Variants in TET1 observed in about 807,000 individuals in gnomAD.
TET1 encodes tet methylcytosine dioxygenase 1.
In TET1, 13 loss-of-function variants were observed where a neutral mutation model predicts 148.7. The ratio of observed to expected loss-of-function variants is 0.09; its 90% confidence interval spans 0.06 to 0.14. The LOEUF (loss-of-function observed/expected upper bound fraction) is 0.14, where lower values mean the gene tolerates loss of function less well. Ranked by LOEUF, TET1 falls within the 10% of genes least tolerant of loss-of-function variation. The pLI is 1.00. For synonymous variants in TET1, 907 were observed against 937.2 expected (o/e 0.97, Z 0.59); for missense variants, 2,182 against 2,553.8 (o/e 0.85, Z 3.14).
At chr10:68,659,030 C>G (rs1170519354) in intron 6 of TET1, among the ~76,000 whole-genome samples, 1 of 152,126 alleles carries the variant, frequency 6.6e-6, no homozygotes, top group African/African-American at 2.4e-5. Context: ...GAGTTCAAGA[C>G]CAGGCTGGCC....
chr10:68,577,471 A>G (rs1427788379), intron 2 of TET1, among the ~76,000 whole-genome samples: 1 of 150,868 alleles, frequency 6.6e-6, no homozygotes, highest in African/African-American at 2.4e-5. Context: ...CATAAGCAAC[A>G]TAGCAAGACC....
At position 68,569,251 on chromosome 10, in the gene TET1, C is replaced by G. The variant is rs12259081; in HGVS notation, c.-122-2966C>G. 3.6e-3 allele frequency among the ~76,000 whole-genome samples: 528 copies of G among 144,858 alleles called. 3 individuals carry two copies. The highest frequency in any genetic ancestry group is 0.013 in the African/African-American group (502 of 38,812). On this transcript the variant is annotated intron_variant, in intron 1 of 11. Transcript: ENST00000373644. ...GCAGTGGTGCAATCTCGGCTCACTG[C>G]AAGCTCTGCCTCCCGGGTTCACGCC...
intron 3 of TET1, among the ~76,000 whole-genome samples, chr10:68,603,323 AAGT>A (rs2054082054): frequency 1.3e-5 from 2 of 152,192 alleles, no homozygotes; most frequent in Admixed American, 1.3e-4. Context: ...ATCTATTAGA[AAGT>A]AGTTGGATAC....
Position 68,624,099 on chromosome 10 carries a change from C to CTTTTT in TET1, c.1969-20595_1969-20594insTTTTT, listed in dbSNP as rs773374173. ...TATTTTCTTTTTTCTTTCTTTCTTTCTTTTCTTTTTTTTTTGAAATGGAGT... is the reference window on the plus strand; with the variant it reads ...TATTTTCTTTTTTCTTTCTTTCTTTCTTTTTTTTTCTTTTTTTTTTGAAATGGAGT... On this transcript the variant is annotated intron_variant, in intron 3 of 11. Transcript: ENST00000373644. 3.8e-3 allele frequency among the ~76,000 whole-genome samples: 563 copies of CTTTTT among 148,082 alleles called. 7 individuals carry two copies. The highest frequency in any genetic ancestry group is 0.01 in the Middle Eastern group (3 of 294).
In TET1 at chr10:68,693,157, G is replaced by A. The variant is rs2055615246; in HGVS notation, c.*1343G>A. ...CTATGTTCTAGGTAACAGGAAAACA[G>A]GCATTAAGTTTATTTTAGTCTTCCC... On this transcript the variant is annotated 3_prime_UTR_variant, in exon 12 of 12. Coordinates refer to ENST00000373644, the MANE Select transcript of TET1 (RefSeq NM_030625.3). 1 of 230,890 alleles carries A rather than the reference G, an allele frequency of 4.3e-6. No individual in the cohort carries two copies. Among genetic ancestry groups the A allele is most frequent in the Non-Finnish European group, 8.5e-6 (1 of 117,328 alleles). 14.3% of individuals were successfully genotyped at this position (230,890 alleles called of 1,614,324 possible).
chr10:68,675,906 C>T (rs1057219353), intron 8 of TET1, among the ~76,000 whole-genome samples: 1 of 151,950 alleles, frequency 6.6e-6, no homozygotes, highest in Non-Finnish European at 1.5e-5. Flanking sequence ...CCTAGGCTGA[C>T]GTGCAATGGC....
chr10:68,613,964 T>C (rs183997854), intron 3 of TET1, among the ~76,000 whole-genome samples: 1 of 152,004 alleles, frequency 6.6e-6, no homozygotes, highest in Admixed American at 6.6e-5. Context: ...AATTGCTGTT[T>C]AAAGTATTTT....
chr10:68,660,586 C>A (rs1184317556), intron 6 of TET1, among the ~76,000 whole-genome samples: 6 of 151,944 alleles, frequency 3.9e-5, no homozygotes, highest in South Asian at 4.2e-4. Context: ...AGGTGATCTG[C>A]CTGCCTTGGC....
chr10:68,585,218 G>T (rs1027122395), intron 2 of TET1, among the ~76,000 whole-genome samples: 6 of 152,106 alleles, frequency 3.9e-5, no homozygotes, highest in African/African-American at 1.4e-4. Flanking sequence ...TGGTCAGGCT[G>T]GTCTTGAACT....
chr10:68,691,521 C>A lies in TET1; in HGVS notation c.6118C>A (p.His2040Asn). 6.2e-7 allele frequency: 1 copy of A among 1,614,048 alleles called. No homozygotes were observed. Among genetic ancestry groups the A allele is most frequent in the East Asian group, 2.2e-5 (1 of 44,874 alleles). Residue 2040 changes from histidine to asparagine, a missense_variant, in exon 12 of 12, where the codon CAT (histidine) becomes AAT (asparagine). By Grantham distance (68) the His-to-Asn change is moderately conservative. This residue lies in a region of TET1 where 20 missense variants were observed against 23.9 expected (regional missense o/e 0.84). Transcript: ENST00000373644. The surrounding 1 kb of genome is among the most constrained non-coding windows in gnomAD (Gnocchi z 4.4). ...TTPVEHPNRN[H>N]PTRLSLVFYQ... ...TCCTGTTGAGCACCCCAACCGTAAT[C>A]ATCCAACCCGCCTCTCCCTTGTCTT...
At chr10:68,671,477 C>A (rs1027508) in intron 7 of TET1, among the ~76,000 whole-genome samples, 1 of 152,128 alleles carries the variant, frequency 6.6e-6, no homozygotes, top group Non-Finnish European at 1.5e-5. Flanking sequence ...GATTACGTGT[C>A]TTTGGTATTG....
chr10:68,570,113 CT>C lies in TET1; in HGVS notation c.-122-2095del, dbSNP rs1047022950. ...ACCCAAAAGTTTTTCTTTTTTTTTT[CT>C]TTTTTTTTGAGATGGAGTCTTGCTC... On this transcript the variant is annotated intron_variant, in intron 1 of 11. Transcript: ENST00000373644. Among the ~76,000 whole-genome samples the C allele has an allele frequency of 7.4e-5, 11 of 148,270 alleles. No homozygotes were observed. In the South Asian group the frequency reaches 1.1e-3, roughly 14 times the overall value.
At chr10:68,632,194 C>T (rs2054583123) in intron 3 of TET1, among the ~76,000 whole-genome samples, 1 of 151,768 alleles carries the variant, frequency 6.6e-6, no homozygotes, top group African/African-American at 2.4e-5. Context: ...TGGTGGCGGG[C>T]GCCTGTAGTC....
Position 68,572,219 on chromosome 10 carries a change from C to A in TET1, c.-120C>A. 2 of 834,654 alleles carry A rather than the reference C, an allele frequency of 2.4e-6. No individual in the cohort carries two copies. Among genetic ancestry groups the A allele is most frequent in the Middle Eastern group, 3.6e-4 (1 of 2,806 alleles). 51.7% of individuals were successfully genotyped at this position (834,654 alleles called of 1,614,324 possible). ...AGTGTATTCTGTTGTTATTTCAGAC[C>A]AAAACCTTGTGTGACTGAGCTGAAG... On this transcript the variant is annotated splice_region_variant and 5_prime_UTR_variant, in exon 2 of 12. Coordinates refer to ENST00000373644, the MANE Select transcript of TET1 (RefSeq NM_030625.3).
At chr10:68,649,099 A>T (rs1267571750) in intron 4 of TET1, among the ~76,000 whole-genome samples, 1 of 152,230 alleles carries the variant, frequency 6.6e-6, no homozygotes, top group Non-Finnish European at 1.5e-5. Context: ...TCTTACTACA[A>T]GTCTGATATT....
intron 2 of TET1, 71 bp downstream of exon 2, chr10:68,574,323 T>A: frequency 4.8e-6 from 5 of 1,040,776 alleles, no homozygotes; most frequent in Non-Finnish European, 7.0e-6. Flanking sequence ...GAGACACTTC[T>A]AGTGTCTCTA....
chr10:68,664,127 C>A (rs555772216), intron 6 of TET1, among the ~76,000 whole-genome samples: 1 of 151,996 alleles, frequency 6.6e-6, no homozygotes, highest in Non-Finnish European at 1.5e-5. Flanking sequence ...GCCACGGTGC[C>A]GGCCTGGGTA....
chr10:68,631,278 A>G (rs898268949), intron 3 of TET1, among the ~76,000 whole-genome samples: 3 of 152,206 alleles, frequency 2.0e-5, no homozygotes, highest in African/African-American at 7.2e-5. Context: ...GTTTCAACAT[A>G]GTGGTGGGAA....
At chr10:68,631,433 C>CTTTTTTTTT (rs546257824) in intron 3 of TET1, among the ~76,000 whole-genome samples, 838 of 110,550 alleles carry the variant, frequency 7.6e-3, no homozygotes, top group African/African-American at 0.014. Flanking sequence ...TTTCTTTCTT[C>CTTTTTTTTT]TTTTTTTTTT....
Sources: gnomAD v4.1 joint callset for allele counts (sites outside exome capture counted in the v4.1 genomes callset) on GRCh38, gnomAD v4.1.1 for gene constraint, gnomAD v4.1.1 regional missense constraint, Gnocchi (gnomAD v3.1) non-coding constraint, MANE v1.5 for transcripts, NCBI Gene and HGNC (gene_info 2026-07-23, HGNC 2026-07-21) for gene names.